The following KLF12 variants were observed in gnomAD, a reference collection of about 807,000 sequenced individuals.
KLF12 encodes KLF transcription factor 12.
A neutral mutation model predicts 37.8 loss-of-function variants in KLF12; 9 were observed. The observed-to-expected ratio is 0.24, with a 90% CI of 0.14 to 0.42. The LOEUF (loss-of-function observed/expected upper bound fraction) is 0.42. KLF12 is among the 10% of genes least tolerant of loss of function. The pLI is 1.00. For missense variants in KLF12, 411 were observed against 516.0 expected (o/e 0.80, Z 1.97); for synonymous variants, 208 against 202.1 (o/e 1.03, Z -0.25).
intron 2 of KLF12, among the ~76,000 whole-genome samples, chr13:73,962,844 G>C (rs1257319009): frequency 3.9e-5 from 6 of 152,114 alleles, no homozygotes; most frequent in African/African-American, 1.4e-4. Context: ...AAAAACACTA[G>C]TGCCTAAAAG....
intron 1 of KLF12, among the ~76,000 whole-genome samples, chr13:74,046,186 T>C (rs998439944): frequency 1.5e-4 from 23 of 152,150 alleles, no homozygotes; most frequent in African/African-American, 5.5e-4. Flanking sequence ...TGTATCAATA[T>C]TGGTTCACTA....
chr13:74,293,356 G>C, the KLF12 span, among the ~76,000 whole-genome samples: 3 of 152,028 alleles, frequency 2.0e-5, no homozygotes, highest in Non-Finnish European at 2.9e-5. Context: ...TGTTCATATT[G>C]GCTGTGATCC....
At chr13:74,041,250 T>A (rs1593850943) in intron 1 of KLF12, among the ~76,000 whole-genome samples, 1 of 152,150 alleles carries the variant, frequency 6.6e-6, no homozygotes, top group East Asian at 1.9e-4. Flanking sequence ...TTATCTACCA[T>A]CTCTGAATCC....
At chr13:74,156,411 A>G in the KLF12 span, among the ~76,000 whole-genome samples, 4 of 152,294 alleles carry the variant, frequency 2.6e-5, no homozygotes, top group African/African-American at 7.2e-5. Flanking sequence ...GTAGGCTCTG[A>G]GTCAACCAAT....
intron 6 of KLF12, among the ~76,000 whole-genome samples, chr13:73,758,083 CA>C (rs200420520): frequency 0.076 from 11,535 of 151,770 alleles, 506 homozygotes; most frequent in South Asian, 0.13. Context: ...TTTTTAGAGA[CA>C]GGGGTTGGTC....
At chr13:73,751,178 T>C (rs773232300) in intron 6 of KLF12, among the ~76,000 whole-genome samples, 1 of 152,210 alleles carries the variant, frequency 6.6e-6, no homozygotes, top group Non-Finnish European at 1.5e-5. Context: ...GACTTTACTA[T>C]TGTGAATAGT....
rs74095923 is a variant in KLF12 at position 73,962,559 on chromosome 13, A to T, written c.34-18489T>A. Among the ~76,000 whole-genome samples the T allele has an allele frequency of 2.4e-3, 365 of 152,326 alleles. 4 individuals carry two copies. Among genetic ancestry groups the T allele is most frequent in the African/African-American group, 8.2e-3 (339 of 41,580 alleles). On this transcript the variant is annotated intron_variant, in intron 2 of 7. Coordinates refer to ENST00000377669, the MANE Select transcript of KLF12 (RefSeq NM_007249.5). Reference sequence around the variant, plus strand: ...TGTCGTGCAGGATGCTGAAATTTTTAAGGAGGTTGCGTATGTGTAGGGATG... The same window carrying T: ...TGTCGTGCAGGATGCTGAAATTTTTTAGGAGGTTGCGTATGTGTAGGGATG...
At chr13:74,125,387 A>G (rs1189689922) in intron 1 of KLF12, among the ~76,000 whole-genome samples, 1 of 152,124 alleles carries the variant, frequency 6.6e-6, no homozygotes, top group East Asian at 1.9e-4. Flanking sequence ...AATGTGCCAC[A>G]TAATTCTTAC....
the KLF12 span, among the ~76,000 whole-genome samples, chr13:74,145,186 A>G: frequency 2.6e-5 from 4 of 152,204 alleles, no homozygotes. Flanking sequence ...TAACTAGACA[A>G]AAGTCAGGGA....
At chr13:73,830,516 A>G (rs1884094362) in intron 4 of KLF12, among the ~76,000 whole-genome samples, 1 of 152,238 alleles carries the variant, frequency 6.6e-6, no homozygotes, top group Admixed American at 6.5e-5. Flanking sequence ...AACATCTGCT[A>G]TATAAGCTTG....
chr13:74,217,861 T>G, the KLF12 span, among the ~76,000 whole-genome samples: 7 of 152,242 alleles, frequency 4.6e-5, no homozygotes, highest in Non-Finnish European at 1.0e-4. Context: ...GTGAGATGAC[T>G]TGTTTAGAAT....
chr13:74,246,386 A>G, the KLF12 span, among the ~76,000 whole-genome samples: 18 of 152,182 alleles, frequency 1.2e-4, no homozygotes, highest in African/African-American at 4.3e-4. Flanking sequence ...GGAGAAGCTA[A>G]AGTATTTAGA....
At chr13:73,938,503 CACTT>C (rs1214333283) in intron 3 of KLF12, among the ~76,000 whole-genome samples, 3 of 152,214 alleles carry the variant, frequency 2.0e-5, no homozygotes, top group African/African-American at 7.2e-5. Context: ...AACAGCCTCT[CACTT>C]ACAACAAATA....
intron 7 of KLF12, among the ~76,000 whole-genome samples, chr13:73,702,623 T>G (rs1477551444): frequency 6.6e-6 from 1 of 152,190 alleles, no homozygotes; most frequent in Non-Finnish European, 1.5e-5. Flanking sequence ...CACAGGCATT[T>G]TCTTAGGTTC....
chr13:74,262,679 C>T, the KLF12 span, among the ~76,000 whole-genome samples: 3 of 152,122 alleles, frequency 2.0e-5, no homozygotes, highest in Admixed American at 2.0e-4. Flanking sequence ...TTTTTTTGAT[C>T]CACAGTTGGT....
At chr13:74,137,256 TAATTC>T (rs1269648204), upstream of KLF12, among the ~76,000 whole-genome samples, 1 of 152,228 alleles carries the variant, frequency 6.6e-6, no homozygotes, top group Admixed American at 6.5e-5. Flanking sequence ...ATTTCATCCT[TAATTC>T]AAGAGGACCA....
rs78837911 is a variant in KLF12, at chr13:73,780,404, C to G, written c.807-15404G>C. Among the ~76,000 whole-genome samples, 57 of 152,162 alleles carry G rather than the reference C, an allele frequency of 3.7e-4. 2 individuals carry two copies. In the East Asian group the frequency reaches 0.011, roughly 29 times the overall value. On this transcript the variant is annotated intron_variant, in intron 5 of 7. Coordinates refer to ENST00000377669, the MANE Select transcript of KLF12 (RefSeq NM_007249.5). ...CCCTTGTCACCCATCAACCTTCCCC[C>G]GAGTCCCCAAGTCTGTTATATCATT...
intron 6 of KLF12, among the ~76,000 whole-genome samples, chr13:73,729,908 A>G (rs1876937083): frequency 6.6e-6 from 1 of 152,100 alleles, no homozygotes; most frequent in East Asian, 1.9e-4. Context: ...CCTCAAATGA[A>G]TGAAAAATGA....
chr13:74,000,369 A>G (rs754646875), intron 1 of KLF12, among the ~76,000 whole-genome samples: 6 of 152,148 alleles, frequency 3.9e-5, no homozygotes, highest in Non-Finnish European at 8.8e-5. Flanking sequence ...TTCCTCCATT[A>G]AGAAAATTCA....
Sources: gnomAD v4.1 joint callset for allele counts (sites outside exome capture counted in the v4.1 genomes callset) on GRCh38, gnomAD v4.1.1 for gene constraint, MANE v1.5 for transcripts, NCBI Gene and HGNC (gene_info 2026-07-23, HGNC 2026-07-21) for gene names.